FMNL2: variants seen among roughly 807,000 people sequenced by gnomAD.
FMNL2 encodes formin like 2.
Under a neutral mutation model 130.2 loss-of-function variants are expected in FMNL2, and 51 were observed. That is an observed-to-expected ratio of 0.39 (90% confidence interval 0.31 to 0.49). The LOEUF is 0.49. FMNL2 is among the 20% of genes least tolerant of loss of function. The pLI, the probability that FMNL2 is intolerant of heterozygous loss-of-function variation, is 0.85. For synonymous variants in FMNL2, 465 were observed against 467.1 expected, an observed-to-expected ratio of 1.00 and a Z score of 0.06; for missense variants, 977 against 1,316.2, an observed-to-expected ratio of 0.74 and a Z score of 3.99.
intron 1 of FMNL2, among the ~76,000 whole-genome samples, chr2:152,505,887 C>T (rs926967721): frequency 1.3e-5 from 2 of 152,180 alleles, no homozygotes; most frequent in Non-Finnish European, 2.9e-5. Flanking sequence ...ATTGATCATC[C>T]AGATTGGAGT....
Position 152,640,836 on chromosome 2 carries a change from G to A in FMNL2, c.3091G>A (p.Glu1031Lys). 1.9e-6 allele frequency: 3 copies of A among 1,613,816 alleles called. No individual in the cohort carries two copies. The highest frequency in any genetic ancestry group is 2.5e-6 in the Non-Finnish European group (3 of 1,179,818). The part of the protein sequence containing the change: ...SKRQQQELIA[E>K]LRRRQVKDNR... ...GAGGCAGCAGCAAGAGTTAATTGCAGAATTAAGAAGACGACAAGTTAAAGA... is the reference window on the plus strand; with the variant it reads ...GAGGCAGCAGCAAGAGTTAATTGCAAAATTAAGAAGACGACAAGTTAAAGA... Residue 1031 changes from glutamate (E) to lysine (K), a missense_variant, in exon 25 of 26, where the codon GAA becomes AAA. This residue lies in a region of FMNL2 where 168 missense variants were observed against 168.8 expected (regional missense o/e 1.00). Transcript: ENST00000288670.
At chr2:152,637,380 C>T (rs1034551419) in intron 22 of FMNL2, among the ~76,000 whole-genome samples, 193 bp from the exon 23 acceptor site, 3 of 152,170 alleles carry the variant, frequency 2.0e-5, no homozygotes, top group African/African-American at 4.8e-5. Flanking sequence ...TTGCATTCCT[C>T]GGATTGCCTC....
intron 1 of FMNL2, among the ~76,000 whole-genome samples, chr2:152,339,204 A>G: frequency 6.9e-6 from 1 of 143,992 alleles, no homozygotes; most frequent in Non-Finnish European, 1.6e-5. Flanking sequence ...ATTTTTTTTT[A>G]AGCTCATCGG....
intron 1 of FMNL2, among the ~76,000 whole-genome samples, chr2:152,511,476 G>A (rs1028118115): frequency 2.6e-5 from 4 of 152,146 alleles, no homozygotes; most frequent in African/African-American, 9.7e-5. Flanking sequence ...ATGAATTTGA[G>A]GCTATAATTT....
intron 1 of FMNL2, among the ~76,000 whole-genome samples, chr2:152,431,838 CGT>C (rs1434670975): frequency 1.3e-5 from 2 of 151,802 alleles, no homozygotes; most frequent in African/African-American, 4.8e-5. Context: ...GTGGCACATG[CGT>C]GTAGTCCCAG....
chr2:152,485,897 A>G (rs1003088782), intron 1 of FMNL2, among the ~76,000 whole-genome samples: 2 of 152,234 alleles, frequency 1.3e-5, no homozygotes, highest in Non-Finnish European at 2.9e-5. Flanking sequence ...AAAATTGCTT[A>G]TTAAACCACA....
intron 4 of FMNL2, 33 bp from the exon 5 acceptor site, chr2:152,558,707 C>T: frequency 5.9e-6 from 9 of 1,538,410 alleles, no homozygotes; most frequent in Non-Finnish European, 7.9e-6. Flanking sequence ...TGATCAATTT[C>T]TCCAATGATT....
At chr2:152,539,644 G>A (rs1694193250) in intron 2 of FMNL2, among the ~76,000 whole-genome samples, 1 of 152,212 alleles carries the variant, frequency 6.6e-6, no homozygotes, top group Admixed American at 6.5e-5. Context: ...ATTTGAAAAA[G>A]TGTGAGTTTA....
chr2:152,516,638 C>T (rs1256680972), intron 1 of FMNL2, among the ~76,000 whole-genome samples: 1 of 152,114 alleles, frequency 6.6e-6, no homozygotes, highest in Non-Finnish European at 1.5e-5. Flanking sequence ...CTGTGGGTTT[C>T]TAAGTATGAG....
intron 9 of FMNL2, among the ~76,000 whole-genome samples, chr2:152,583,719 G>A (rs1206400419): frequency 6.6e-6 from 1 of 152,200 alleles, no homozygotes; most frequent in Non-Finnish European, 1.5e-5. Context: ...GTTGGACCCA[G>A]TTTGTCTTTG....
At chr2:152,438,002 G>A (rs1687854002) in intron 1 of FMNL2, among the ~76,000 whole-genome samples, 1 of 152,162 alleles carries the variant, frequency 6.6e-6, no homozygotes, top group Non-Finnish European at 1.5e-5. Context: ...ATTTGGACAG[G>A]ATAAATAAGA....
At chr2:152,561,107 A>T in intron 6 of FMNL2, 72 bp downstream of exon 6, 1 of 1,457,694 alleles carries the variant, frequency 6.9e-7, no homozygotes, top group Non-Finnish European at 9.2e-7. Flanking sequence ...TCTTTTGATG[A>T]TTCTGGGCAC....
chr2:152,447,133 T>G (rs1688387353), intron 1 of FMNL2, among the ~76,000 whole-genome samples: 1 of 152,082 alleles, frequency 6.6e-6, no homozygotes, highest in Non-Finnish European at 1.5e-5. Context: ...GTTTCTTACT[T>G]TGTTGCCCAG....
At chr2:152,484,948 G>A (rs964176269) in intron 1 of FMNL2, among the ~76,000 whole-genome samples, 1 of 152,218 alleles carries the variant, frequency 6.6e-6, no homozygotes, top group Non-Finnish European at 1.5e-5. Context: ...GTTCACAGTA[G>A]CTCTTGTATA....
chr2:152,409,422 C>A (rs1686167287), intron 1 of FMNL2, among the ~76,000 whole-genome samples: 1 of 152,104 alleles, frequency 6.6e-6, no homozygotes, highest in Non-Finnish European at 1.5e-5. Context: ...TTGAGAGCCC[C>A]TCCCCTGCTG....
intron 1 of FMNL2, among the ~76,000 whole-genome samples, chr2:152,364,292 T>TTTTTTTA (rs1683382364): frequency 8.1e-6 from 1 of 123,036 alleles, no homozygotes; most frequent in Non-Finnish European, 1.7e-5. Context: ...TTTTTTTTTT[T>TTTTTTTA]ACCAGATCCT....
intron 1 of FMNL2, among the ~76,000 whole-genome samples, chr2:152,516,202 G>T (rs1215981299): frequency 3.9e-5 from 6 of 152,188 alleles, no homozygotes; most frequent in Non-Finnish European, 1.5e-5. Context: ...AAATGGAAAA[G>T]TTCTAGAGAT....
chr2:152,427,903 G>T (rs1687280469), intron 1 of FMNL2, among the ~76,000 whole-genome samples: 1 of 152,152 alleles, frequency 6.6e-6, no homozygotes, highest in Non-Finnish European at 1.5e-5. Flanking sequence ...GCCACACGTG[G>T]TCACCCTATA....
At chr2:152,647,641 TTA>T (rs1338435721) in intron 25 of FMNL2, among the ~76,000 whole-genome samples, 153 bp from the exon 26 acceptor site, 1 of 152,216 alleles carries the variant, frequency 6.6e-6, no homozygotes, top group Non-Finnish European at 1.5e-5. Flanking sequence ...GGCAAATGTT[TTA>T]TGTCTTTGAT....
Sources: allele counts gnomAD v4.1 joint callset (sites outside exome capture counted in the v4.1 genomes callset), GRCh38; gene constraint gnomAD v4.1.1; regional missense constraint gnomAD v4.1.1; transcripts MANE v1.5; gene names NCBI Gene and HGNC (gene_info 2026-07-23, HGNC 2026-07-21).